Variants in MEGF10 observed in about 807,000 individuals in gnomAD.
MEGF10 encodes multiple epidermal growth factor-like domains protein 10.
A neutral mutation model predicts 147.5 loss-of-function variants in MEGF10; 86 were observed. The ratio of observed to expected loss-of-function variants is 0.58; its 90% CI spans 0.49 to 0.70. The LOEUF is 0.70. Among genes scored for constraint, MEGF10 ranks in the 30% least tolerant of loss-of-function variants. The pLI is 0.00. For synonymous variants in MEGF10, 478 were observed against 525.5 expected (o/e 0.91, Z 1.24); for missense variants, 1,329 against 1,487.3 (o/e 0.89, Z 1.75).
At chr5:127,266,217 G>T in the MEGF10 span, among the ~76,000 whole-genome samples, 5 of 151,824 alleles carry the variant, frequency 3.3e-5, no homozygotes, top group Non-Finnish European at 7.4e-5. Flanking sequence ...GTTTGTCAAA[G>T]ATCAAATGGT....
the MEGF10 span, among the ~76,000 whole-genome samples, chr5:127,277,067 A>G: frequency 6.6e-6 from 1 of 152,176 alleles, no homozygotes; most frequent in Non-Finnish European, 1.5e-5. Flanking sequence ...AGTATAGAGC[A>G]AGAGGAGAGC....
At chr5:127,454,470 G>A in intron 22 of MEGF10, 96 bp from the exon 23 acceptor site, 1 of 1,045,446 alleles carries the variant, frequency 9.6e-7, no homozygotes, top group Non-Finnish European at 1.4e-6. Flanking sequence ...GTTGTTTGCT[G>A]CAGTGGGAGA....
At chr5:127,275,802 GGATTGTT>G in the MEGF10 span, among the ~76,000 whole-genome samples, 1 of 151,744 alleles carries the variant, frequency 6.6e-6, no homozygotes, top group African/African-American at 2.4e-5. Context: ...AAAATTCAAG[GGATTGTT>G]GACACCGAGA....
chr5:127,287,427 G>C (rs78929487), upstream of MEGF10, among the ~76,000 whole-genome samples: 1 of 151,964 alleles, frequency 6.6e-6, no homozygotes, highest in East Asian at 1.9e-4. Flanking sequence ...AAATTCCACT[G>C]TATTTCTCCA....
chr5:127,420,562 C>T (rs944403742), intron 12 of MEGF10, among the ~76,000 whole-genome samples: 1 of 152,078 alleles, frequency 6.6e-6, no homozygotes, highest in African/African-American at 2.4e-5. Flanking sequence ...GGAAATCTCC[C>T]TGCCTTTATG....
intron 4 of MEGF10, among the ~76,000 whole-genome samples, chr5:127,365,789 A>G (rs1360612843): frequency 6.6e-6 from 1 of 152,236 alleles, no homozygotes; most frequent in Non-Finnish European, 1.5e-5. Flanking sequence ...GCAGAAAAGA[A>G]ATCATATTGG....
rs979205889 is a variant in MEGF10 at position 127,458,374 on chromosome 5, T to C, written c.*1056T>C. ...AACTTTCCTTTTATTAATTGTCAAT[T>C]TAGAGAAACTATGCTTAAGCTGGTC... is the stretch of plus-strand genomic sequence containing the variant. On this transcript the variant is annotated 3_prime_UTR_variant, in exon 25 of 25. Transcript: ENST00000503335. 4 of 152,220 alleles carry C rather than the reference T, an allele frequency of 2.6e-5. No individual in the cohort carries two copies. The highest frequency in any genetic ancestry group is 5.9e-5 in the Non-Finnish European group (4 of 68,030). The allele number at this position is 152,220 out of a possible 1,614,324, so 9.4% of individuals were successfully genotyped here. A position where few individuals can be genotyped will look rare whatever the true frequency, so the allele number is the denominator to read the frequency against.
the MEGF10 span, among the ~76,000 whole-genome samples, chr5:127,238,399 T>G: frequency 6.6e-6 from 1 of 152,128 alleles, no homozygotes; most frequent in Non-Finnish European, 1.5e-5. Flanking sequence ...AAGGTCTTCC[T>G]TTAGTCAACA....
At chr5:127,399,092 T>A (rs1253191268) in intron 7 of MEGF10, among the ~76,000 whole-genome samples, 1 of 152,222 alleles carries the variant, frequency 6.6e-6, no homozygotes, top group Non-Finnish European at 1.5e-5. Context: ...ATATCTAGTC[T>A]CACATGACAG....
chr5:127,359,769 T>C (rs1335651204), intron 4 of MEGF10, among the ~76,000 whole-genome samples: 3 of 152,112 alleles, frequency 2.0e-5, no homozygotes, highest in Admixed American at 1.3e-4. Flanking sequence ...AATTTATACT[T>C]TCATGTACTT....
chr5:127,398,621 G>T, intron 6 of MEGF10, 55 bp from the exon 7 acceptor site: 2 of 1,608,276 alleles, frequency 1.2e-6, no homozygotes, highest in Admixed American at 3.3e-5. Flanking sequence ...CAGTGAACCC[G>T]AGGGTCATGT....
intron 9 of MEGF10, among the ~76,000 whole-genome samples, chr5:127,415,058 G>A (rs560337795): frequency 6.6e-6 from 1 of 150,988 alleles, no homozygotes; most frequent in Admixed American, 6.6e-5. Context: ...AGCCCATGTG[G>A]ACGCCCCTAA....
chr5:127,432,242 T>G (rs1765408659), intron 13 of MEGF10, among the ~76,000 whole-genome samples: 1 of 152,248 alleles, frequency 6.6e-6, no homozygotes, highest in Non-Finnish European at 1.5e-5. Context: ...GCTATTCCAG[T>G]GTTCACCGGA....
chr5:127,382,088 C>G (rs1281132606), intron 5 of MEGF10, among the ~76,000 whole-genome samples: 1 of 152,158 alleles, frequency 6.6e-6, no homozygotes, highest in Non-Finnish European at 1.5e-5. Context: ...GTCAGAATTT[C>G]CCCCCAAAAG....
At chr5:127,447,316 C>A (rs965503391) in intron 20 of MEGF10, among the ~76,000 whole-genome samples, 1 of 152,146 alleles carries the variant, frequency 6.6e-6, no homozygotes, top group Admixed American at 6.5e-5. Context: ...GCTGGGACTA[C>A]AGGCGCATGC....
At chr5:127,446,090 A>G (rs1440337638) in intron 20 of MEGF10, among the ~76,000 whole-genome samples, 3 of 152,154 alleles carry the variant, frequency 2.0e-5, no homozygotes, top group African/African-American at 4.8e-5. Context: ...GGTACTTTCT[A>G]TGTGCTTCCC....
At chr5:127,434,948 G>A in intron 15 of MEGF10, 127 bp downstream of exon 15, 1 of 1,291,562 alleles carries the variant, frequency 7.7e-7, no homozygotes, top group Non-Finnish European at 1.0e-6. Flanking sequence ...GTCTTCTGCT[G>A]TGCTGTGTCT....
At chr5:127,436,217 G>C (rs1765549359) in intron 16 of MEGF10, among the ~76,000 whole-genome samples, 1 of 152,160 alleles carries the variant, frequency 6.6e-6, no homozygotes, top group Non-Finnish European at 1.5e-5. Context: ...AGAAATCAAA[G>C]AATGACTGTG....
chr5:127,417,394 G>A (rs1172051381), intron 9 of MEGF10, among the ~76,000 whole-genome samples: 1 of 152,200 alleles, frequency 6.6e-6, no homozygotes, highest in Non-Finnish European at 1.5e-5. Flanking sequence ...CAGACAAAAG[G>A]ATGTGGTTGT....
Sources: gnomAD v4.1 joint callset for allele counts (sites outside exome capture counted in the v4.1 genomes callset) on GRCh38, gnomAD v4.1.1 for gene constraint, MANE v1.5 for transcripts, NCBI Gene and HGNC (gene_info 2026-07-23, HGNC 2026-07-21) for gene names.